The following CRTAC1 variants were observed in gnomAD, a reference collection of about 807,000 sequenced individuals.
The protein encoded by CRTAC1 is acidic secreted protein in cartilage.
CRTAC1 carries 37 observed loss-of-function variants against 67.8 expected under a neutral mutation model. The ratio of observed to expected loss-of-function variants is 0.55; its 90% CI spans 0.42 to 0.72. CRTAC1 has a LOEUF of 0.72. Ranked by LOEUF, CRTAC1 falls within the 30% of genes least tolerant of loss-of-function variation. The pLI, the probability that CRTAC1 is intolerant of heterozygous loss-of-function variation, is 0.00. For missense variants in CRTAC1, 780 were observed against 931.6 expected (o/e 0.84, Z 2.12); for synonymous variants, 348 against 371.0 (o/e 0.94, Z 0.71).
At chr10:97,980,616 A>G (rs1388939813) in intron 2 of CRTAC1, among the ~76,000 whole-genome samples, 1 of 152,072 alleles carries the variant, frequency 6.6e-6, no homozygotes, top group Non-Finnish European at 1.5e-5. Context: ...ATGTAGTCCA[A>G]CCTCCTCATG....
chr10:97,888,667 C>T (rs1437537180), intron 11 of CRTAC1, among the ~76,000 whole-genome samples: 2 of 152,152 alleles, frequency 1.3e-5, no homozygotes, highest in South Asian at 2.1e-4. Context: ...AGGAAATCTG[C>T]GTAACATCTT....
intron 2 of CRTAC1, among the ~76,000 whole-genome samples, chr10:97,964,682 C>T (rs1369269914): frequency 3.3e-5 from 5 of 152,312 alleles, no homozygotes; most frequent in South Asian, 2.1e-4. Context: ...TGAATGTATT[C>T]GCCTGACCTT....
intron 5 of CRTAC1, among the ~76,000 whole-genome samples, chr10:97,915,220 T>C (rs7915526): frequency 0.045 from 6,845 of 152,168 alleles, 508 homozygotes; most frequent in African/African-American, 0.15. Flanking sequence ...TGCAGGCTGG[T>C]AGGGTTCTTA....
At chr10:97,881,845 T>C (rs557776565) in intron 13 of CRTAC1, among the ~76,000 whole-genome samples, 17 of 152,260 alleles carry the variant, frequency 1.1e-4, no homozygotes, top group Non-Finnish European at 2.1e-4. Flanking sequence ...TCTCTGTGAC[T>C]GCCGAACTGC....
At chr10:97,888,679 A>G (rs113229876) in intron 11 of CRTAC1, among the ~76,000 whole-genome samples, 49 of 152,250 alleles carry the variant, frequency 3.2e-4, no homozygotes, top group African/African-American at 1.2e-3. Flanking sequence ...TAACATCTTA[A>G]GTCTTTCCGG....
intron 6 of CRTAC1, among the ~76,000 whole-genome samples, chr10:97,905,517 C>T (rs12247351): frequency 0.049 from 7,523 of 152,270 alleles, 602 homozygotes; most frequent in African/African-American, 0.16. Flanking sequence ...TAGTCTTCTC[C>T]TCCAACATGT....
intron 5 of CRTAC1, among the ~76,000 whole-genome samples, chr10:97,913,578 T>C (rs1003760805): frequency 2.8e-4 from 43 of 152,182 alleles, no homozygotes; most frequent in African/African-American, 1.0e-3. Flanking sequence ...AACATATCTG[T>C]GTTTGTTTTA....
intron 9 of CRTAC1, 76 bp downstream of exon 9, chr10:97,896,833 T>TTC: frequency 2.2e-6 from 1 of 450,864 alleles, no homozygotes; most frequent in Non-Finnish European, 4.2e-6. Flanking sequence ...GGCTGCCCCG[T>TTC]CCCTCCCGCC....
At chr10:97,869,786 C>T (rs1203878236) in intron 14 of CRTAC1, 1 of 152,294 alleles carries the variant, frequency 6.6e-6, no homozygotes, top group Non-Finnish European at 1.5e-5. Context: ...AAGGTGGAGT[C>T]TGGTGACTTT....
In CRTAC1 at chr10:97,975,172, C is replaced by T. The variant is rs1011322831; in HGVS notation, c.224+35966G>A. Among the ~76,000 whole-genome samples, 11 of 152,144 alleles carry T rather than the reference C, an allele frequency of 7.2e-5. No individual in the cohort carries two copies. Among genetic ancestry groups the T allele is most frequent in the Non-Finnish European group, 4.4e-5 (3 of 68,022 alleles). Reference sequence around the variant, plus strand: ...GGGCCCTGCGAAGGAATCCAATTTGCGCACAAGGATCGTCTACAAATTTAT... The same window carrying T: ...GGGCCCTGCGAAGGAATCCAATTTGTGCACAAGGATCGTCTACAAATTTAT... On this transcript the variant is annotated intron_variant, in intron 2 of 14. Coordinates refer to ENST00000370597, the MANE Select transcript of CRTAC1 (RefSeq NM_018058.7). The surrounding 1 kb of genome is among the most constrained non-coding windows in gnomAD (Gnocchi z 4.8).
At chr10:97,957,151 G>C (rs1473698299) in intron 2 of CRTAC1, among the ~76,000 whole-genome samples, 5 of 152,068 alleles carry the variant, frequency 3.3e-5, no homozygotes, top group African/African-American at 1.2e-4. Flanking sequence ...CCTCTCTTTG[G>C]GGAGGAGTGG....
At chr10:97,966,653 G>C (rs903483907) in intron 2 of CRTAC1, among the ~76,000 whole-genome samples, 1 of 152,060 alleles carries the variant, frequency 6.6e-6, no homozygotes, top group Admixed American at 6.6e-5. Flanking sequence ...TCTGTTCCAG[G>C]ATCCCACCTA....
At chr10:98,002,762 T>TGTTTG (rs72075039) in intron 2 of CRTAC1, among the ~76,000 whole-genome samples, 1 of 30,392 alleles carries the variant, frequency 3.3e-5, no homozygotes, top group Admixed American at 3.7e-4. Flanking sequence ...CAAAACTCAC[T>TGTTTG]TTTTTTTTTT....
At chr10:98,028,834 T>C (rs1210182341) in intron 1 of CRTAC1, among the ~76,000 whole-genome samples, 1 of 152,110 alleles carries the variant, frequency 6.6e-6, no homozygotes, top group Non-Finnish European at 1.5e-5. Flanking sequence ...CCCTAGGAGT[T>C]TGAACATCCA....
Position 97,967,001 on chromosome 10 carries a change from C to G in CRTAC1, c.225-30635G>C, listed in dbSNP as rs200399253. Among the ~76,000 whole-genome samples, 171 of 148,976 alleles carry G rather than the reference C, an allele frequency of 1.1e-3. 3 individuals are homozygous for G. The highest frequency in any genetic ancestry group is 4.9e-3 in the South Asian group (22 of 4,532). On this transcript the variant is annotated intron_variant, in intron 2 of 14. Transcript: ENST00000370597. ...TTCTCCATTGTAAAGTCACCCCCCC[C>G]CCCCCGACATCCTACATGCTTCAGA...
chr10:97,961,215 A>C (rs1351391635), intron 2 of CRTAC1, among the ~76,000 whole-genome samples: 1 of 151,994 alleles, frequency 6.6e-6, no homozygotes, highest in Non-Finnish European at 1.5e-5. Flanking sequence ...CCCCAACCCT[A>C]TGGAGAAGAT....
intron 5 of CRTAC1, among the ~76,000 whole-genome samples, chr10:97,914,992 G>A (rs192973038): frequency 6.6e-6 from 1 of 152,198 alleles, no homozygotes; most frequent in Admixed American, 6.5e-5. Context: ...TAGAGAGGAG[G>A]CCTCCCCTCC....
intron 4 of CRTAC1, among the ~76,000 whole-genome samples, chr10:97,919,056 A>G (rs1205699693): frequency 2.0e-5 from 3 of 152,014 alleles, no homozygotes; most frequent in Non-Finnish European, 4.4e-5. Context: ...AGCCTCCCAA[A>G]GTGCTGGAAT....
intron 3 of CRTAC1, among the ~76,000 whole-genome samples, chr10:97,923,754 G>A (rs1012687179): frequency 1.3e-5 from 2 of 152,090 alleles, no homozygotes; most frequent in Non-Finnish European, 1.5e-5. Context: ...ACTGCAATAC[G>A]GCAACATCCA....
Sources: allele counts gnomAD v4.1 joint callset (sites outside exome capture counted in the v4.1 genomes callset), GRCh38; gene constraint gnomAD v4.1.1; non-coding constraint Gnocchi (gnomAD v3.1); transcripts MANE v1.5; gene names NCBI Gene and HGNC (gene_info 2026-07-23, HGNC 2026-07-21).